Variants in UGGT2 observed in about 807,000 individuals in gnomAD.
UGGT2 encodes the protein UDP-glucose:glycoprotein glucosyltransferase 2.
A neutral mutation model predicts 192.1 loss-of-function variants in UGGT2; 180 were observed. The ratio of observed to expected loss-of-function variants is 0.94; its 90% CI spans 0.83 to 1.06. UGGT2 has a LOEUF of 1.06. Ranked by LOEUF, UGGT2 falls within the 50% of genes least tolerant of loss-of-function variation. The pLI is 0.00. For synonymous variants in UGGT2, 580 were observed against 591.0 expected (o/e 0.98, Z 0.27); for missense variants, 1,849 against 1,795.7 (o/e 1.03, Z -0.54).
At chr13:95,967,576 C>T (rs150203499) in intron 12 of UGGT2, among the ~76,000 whole-genome samples, 4 of 143,892 alleles carry the variant, frequency 2.8e-5, no homozygotes, top group Non-Finnish European at 6.1e-5. Flanking sequence ...CAGGTTCAAG[C>T]GATTTTCCTG....
At chr13:96,049,577 A>G (rs1484832536) in intron 1 of UGGT2, among the ~76,000 whole-genome samples, 1 of 152,072 alleles carries the variant, frequency 6.6e-6, no homozygotes, top group African/African-American at 2.4e-5. Flanking sequence ...TATTTAGAAA[A>G]CCCCATCATC....
At chr13:95,907,320 G>A (rs1434975415) in intron 20 of UGGT2, among the ~76,000 whole-genome samples, 1 of 152,244 alleles carries the variant, frequency 6.6e-6, no homozygotes, top group Non-Finnish European at 1.5e-5. Context: ...CTCCACCTGT[G>A]TGGGCAGGGC....
chr13:96,010,938 A>C (rs1264434613), intron 5 of UGGT2, among the ~76,000 whole-genome samples: 1 of 152,224 alleles, frequency 6.6e-6, no homozygotes, highest in Non-Finnish European at 1.5e-5. Flanking sequence ...GGCACAGAAA[A>C]GCAAAGCCAG....
chr13:96,000,160 A>G (rs953086272), intron 5 of UGGT2, among the ~76,000 whole-genome samples: 2 of 152,210 alleles, frequency 1.3e-5, no homozygotes, highest in Non-Finnish European at 2.9e-5. Flanking sequence ...TTTAACCTAG[A>G]GCTCAGCAAA....
chr13:96,018,492 G>A (rs2139096496), intron 4 of UGGT2, among the ~76,000 whole-genome samples: 1 of 152,088 alleles, frequency 6.6e-6, no homozygotes, highest in Middle Eastern at 3.4e-3. Context: ...CTCTAGCCTG[G>A]GCACTAGAGT....
intron 12 of UGGT2, among the ~76,000 whole-genome samples, chr13:95,964,796 T>A (rs1005853039): frequency 3.0e-4 from 45 of 151,626 alleles, no homozygotes; most frequent in Admixed American, 1.9e-3. Context: ...CTACCATCAG[T>A]GTGAACAGGC....
chr13:95,887,422 G>T (rs1047591483), intron 26 of UGGT2: 1 of 403,952 alleles, frequency 2.5e-6, no homozygotes, highest in Non-Finnish European at 5.0e-6. Context: ...TTCAACAGAA[G>T]AGTGTTAATG....
chr13:95,961,702 A>C (rs1302851034), intron 12 of UGGT2, among the ~76,000 whole-genome samples: 1 of 152,162 alleles, frequency 6.6e-6, no homozygotes, highest in East Asian at 1.9e-4. Context: ...AAAATTGAAA[A>C]GAACACTGGA....
At chr13:95,850,173 AG>A (rs1179124146) in intron 36 of UGGT2, among the ~76,000 whole-genome samples, 1 of 152,126 alleles carries the variant, frequency 6.6e-6, no homozygotes, top group Admixed American at 6.5e-5. Context: ...GAACTATTTT[AG>A]TTGCTTATGA....
chr13:95,832,060 T>A (rs1002175643), intron 38 of UGGT2, among the ~76,000 whole-genome samples: 8 of 151,150 alleles, frequency 5.3e-5, no homozygotes, highest in Admixed American at 5.3e-4. Context: ...TTTTTTTTTT[T>A]AAAGTCAAGA....
At chr13:95,851,944 T>C (rs936094056) in intron 36 of UGGT2, among the ~76,000 whole-genome samples, 3 of 152,192 alleles carry the variant, frequency 2.0e-5, no homozygotes, top group African/African-American at 7.2e-5. Context: ...CAAAAATGTA[T>C]TCATAATCGA....
At chr13:95,910,425 C>G (rs1455834567) in intron 20 of UGGT2, among the ~76,000 whole-genome samples, 1 of 152,080 alleles carries the variant, frequency 6.6e-6, no homozygotes, top group East Asian at 1.9e-4. Flanking sequence ...GAAAAAAGAG[C>G]AGGGGTTGCA....
At chr13:96,028,776 C>A (rs2052740373) in intron 2 of UGGT2, among the ~76,000 whole-genome samples, 1 of 152,088 alleles carries the variant, frequency 6.6e-6, no homozygotes. Context: ...GGAGATTCAA[C>A]AACCTAAATT....
chr13:95,990,046 A>G lies in UGGT2; in HGVS notation c.858T>C (p.Asn286=). Residue 286 remains asparagine, a synonymous_variant, in exon 8 of 39, where the codon AAT becomes AAC. Transcript: ENST00000376747. ...LKEIYSDLRD[N]LTAFQKYLIE... ...TCAGGTATTTTTGGAATGCTGTCAG[A>G]TTATCTCTAAGATCTGAATATATTT... 1.2e-6 allele frequency: 2 copies of G among 1,603,680 alleles called. No homozygotes were observed. Among genetic ancestry groups the G allele is most frequent in the Non-Finnish European group, 1.7e-6 (2 of 1,174,810 alleles).
intron 36 of UGGT2, among the ~76,000 whole-genome samples, chr13:95,845,583 C>T (rs1037260504): frequency 2.6e-5 from 4 of 151,740 alleles, no homozygotes; most frequent in African/African-American, 9.7e-5. Flanking sequence ...TACACAGACA[C>T]AGTAACAATC....
chr13:95,948,232 C>CACACAG (rs1370486839), intron 13 of UGGT2, 151 bp from the exon 14 acceptor site: 1 of 454,430 alleles, frequency 2.2e-6, no homozygotes, highest in Non-Finnish European at 4.1e-6. Context: ...CACACACACA[C>CACACAG]ACACACACAC....
intron 36 of UGGT2, among the ~76,000 whole-genome samples, chr13:95,845,576 A>T (rs909512103): frequency 6.6e-6 from 1 of 151,778 alleles, no homozygotes. Context: ...TTCTTTCTAC[A>T]CAGACACAGT....
At chr13:95,931,668 T>G (rs1374981339) in intron 17 of UGGT2, among the ~76,000 whole-genome samples, 3 of 152,058 alleles carry the variant, frequency 2.0e-5, no homozygotes, top group African/African-American at 7.2e-5. Context: ...GCGCACCCTC[T>G]GTAGCTGCTG....
intron 38 of UGGT2, among the ~76,000 whole-genome samples, chr13:95,832,046 CTTTTT>C (rs751726923): frequency 1.4e-5 from 2 of 138,146 alleles, no homozygotes; most frequent in African/African-American, 5.3e-5. Flanking sequence ...TAAAGGAAAA[CTTTTT>C]TTTTTTTTTA....
Sources: allele counts gnomAD v4.1 joint callset (sites outside exome capture counted in the v4.1 genomes callset), GRCh38; gene constraint gnomAD v4.1.1; transcripts MANE v1.5; gene names NCBI Gene and HGNC (gene_info 2026-07-23, HGNC 2026-07-21).